Variants in NPLOC4 observed in about 807,000 individuals in gnomAD.
NPLOC4 encodes the protein NPL4 homolog, ubiquitin recognition factor, also known as nuclear protein localization protein 4 homolog.
A neutral mutation model predicts 80.6 loss-of-function variants in NPLOC4; 18 were observed. That is an observed-to-expected ratio of 0.22 (90% confidence interval 0.15 to 0.33). NPLOC4 has a LOEUF of 0.33. Among genes scored for constraint, NPLOC4 ranks in the 10% least tolerant of loss-of-function variants. The probability of loss-of-function intolerance (pLI) is 1.00; values close to 1 mark genes in which losing one functional copy is unlikely to be tolerated. For missense variants in NPLOC4, 540 were observed against 786.1 expected (o/e 0.69, Z 3.74); for synonymous variants, 313 against 301.5 (o/e 1.04, Z -0.39).
At chr17:81,587,630 T>TA (rs57639613) in intron 12 of NPLOC4, among the ~76,000 whole-genome samples, 3,155 of 102,124 alleles carry the variant, frequency 0.031, 124 homozygotes, top group African/African-American at 0.099. Flanking sequence ...CCTGTCTCTT[T>TA]AAAAAAAAAA....
intron 1 of NPLOC4, 23 bp from the exon 2 acceptor site, chr17:81,629,828 G>A (rs373374615): frequency 7.2e-5 from 112 of 1,557,426 alleles, no homozygotes; most frequent in Admixed American, 1.2e-4. Context: ...AAACATGATG[G>A]TTACTGCACA....
At chr17:81,631,583 C>G (rs2035932536) in intron 1 of NPLOC4, among the ~76,000 whole-genome samples, 1 of 151,812 alleles carries the variant, frequency 6.6e-6, no homozygotes, top group South Asian at 2.1e-4. Context: ...AGTTATCATG[C>G]CTGGCCAACA....
chr17:81,616,532 G>A lies in NPLOC4; in HGVS notation c.210-3038C>T, dbSNP rs537129612. Among the ~76,000 whole-genome samples the A allele has an allele frequency of 4.6e-5, 7 of 151,480 alleles. No homozygotes were observed. In the South Asian group the frequency reaches 6.3e-4, roughly 14 times the overall value. On this transcript the variant is annotated intron_variant, in intron 3 of 16. Transcript: ENST00000331134. ...GATCATGAGGTCAGGAGATTGAGAC[G>A]ATCCTGGCTAACACGGTGAAACCCC...
intron 2 of NPLOC4, among the ~76,000 whole-genome samples, chr17:81,625,634 G>A (rs532011851): frequency 6.6e-6 from 1 of 152,232 alleles, no homozygotes; most frequent in South Asian, 2.1e-4. Context: ...GGAAGGCTGA[G>A]GTGGAAGCAC....
At chr17:81,633,435 C>T (rs1197944047) in intron 1 of NPLOC4, among the ~76,000 whole-genome samples, 2 of 152,190 alleles carry the variant, frequency 1.3e-5, no homozygotes, top group Non-Finnish European at 2.9e-5. Context: ...AAGAAGTCAT[C>T]CTACTTGATC....
intron 3 of NPLOC4, among the ~76,000 whole-genome samples, chr17:81,619,201 TAAA>T (rs149822142): frequency 5.8e-5 from 8 of 138,258 alleles, no homozygotes; most frequent in Admixed American, 7.2e-5. Context: ...AATGATCAAT[TAAA>T]AAAAAAAAAA....
chr17:81,607,476 T>C (rs2035238014), intron 6 of NPLOC4, among the ~76,000 whole-genome samples: 1 of 152,144 alleles, frequency 6.6e-6, no homozygotes, highest in African/African-American at 2.4e-5. Flanking sequence ...ATTTACAGTG[T>C]ACGAAATGAT....
intron 8 of NPLOC4, among the ~76,000 whole-genome samples, chr17:81,604,248 C>G (rs910503291): frequency 5.3e-5 from 8 of 152,040 alleles, no homozygotes; most frequent in African/African-American, 1.9e-4. Flanking sequence ...GACTGAGCAC[C>G]TGGACACTAC....
chr17:81,574,624 A>G (rs114698572), intron 12 of NPLOC4, among the ~76,000 whole-genome samples: 2,708 of 152,094 alleles, frequency 0.018, 90 homozygotes, highest in African/African-American at 0.061. Context: ...TGGCCCCAAC[A>G]CCTCGCCACC....
At chr17:81,631,443 T>A (rs1336926748) in intron 1 of NPLOC4, among the ~76,000 whole-genome samples, 25,624 of 63,362 alleles carry the variant, frequency 0.4, 3,300 homozygotes, top group East Asian at 0.57. Flanking sequence ...TATATTTTTT[T>A]TTTTTTTTTT....
At chr17:81,615,379 C>T (rs975219389) in intron 3 of NPLOC4, among the ~76,000 whole-genome samples, 2 of 152,080 alleles carry the variant, frequency 1.3e-5, no homozygotes, top group African/African-American at 2.4e-5. Context: ...GGATTACAGT[C>T]GTGAGCCACC....
At chr17:81,597,784 A>C (rs1204086487) in intron 9 of NPLOC4, among the ~76,000 whole-genome samples, 2 of 77,452 alleles carry the variant, frequency 2.6e-5, no homozygotes, top group African/African-American at 1.2e-4. Flanking sequence ...ACTCCATCTC[A>C]AAAAAAAAAA....
chr17:81,573,775 G>C (rs1451623274), intron 12 of NPLOC4, among the ~76,000 whole-genome samples: 1 of 152,164 alleles, frequency 6.6e-6, no homozygotes, highest in East Asian at 1.9e-4. Flanking sequence ...AGGAGGGCAG[G>C]AGAATGAACC....
At chr17:81,591,806 A>C (rs2034753577) in intron 11 of NPLOC4, among the ~76,000 whole-genome samples, 2 of 152,228 alleles carry the variant, frequency 1.3e-5, no homozygotes, top group South Asian at 4.1e-4. Context: ...GGGCCTACAA[A>C]GAGGCAGTGA....
chr17:81,559,462 A>G, intron 16 of NPLOC4, 46 bp from the exon 17 acceptor site: 1 of 1,551,820 alleles, frequency 6.4e-7, no homozygotes. Flanking sequence ...CTGGCCCACC[A>G]GAGACTGCCA....
chr17:81,567,076 G>C lies in NPLOC4; in HGVS notation c.1566+341C>G, dbSNP rs879182601. Reference sequence around the variant, plus strand: ...TGTGACTCTGAAACTGTTAGAACAGGAATTTTTTAAACTGTCTAACTCTAA... The same window carrying C: ...TGTGACTCTGAAACTGTTAGAACAGCAATTTTTTAAACTGTCTAACTCTAA... On this transcript the variant is annotated intron_variant, in intron 15 of 16. Coordinates refer to ENST00000331134, the MANE Select transcript of NPLOC4 (RefSeq NM_017921.4). This position sits in a 1 kb window ranked among gnomAD's most constrained non-coding sequence, Gnocchi z 4.5. The C allele has an allele frequency of 4.2e-6, 1 of 238,504 alleles. No individual in the cohort carries two copies. The highest frequency in any genetic ancestry group is 5.1e-5 in the Admixed American group (1 of 19,494). The allele number at this position is 238,504 out of a possible 1,614,324, so 14.8% of individuals were successfully genotyped here. A position where few individuals can be genotyped will look rare whatever the true frequency, so the allele number is the denominator to read the frequency against.
intron 4 of NPLOC4, chr17:81,612,599 C>A (rs897577911): frequency 2.0e-5 from 3 of 152,234 alleles, no homozygotes; most frequent in Non-Finnish European, 2.9e-5. Flanking sequence ...CCCGTCACAT[C>A]TACAGAGTGA....
chr17:81,617,843 TG>T (rs1187469576), intron 3 of NPLOC4, among the ~76,000 whole-genome samples: 3 of 152,178 alleles, frequency 2.0e-5, no homozygotes, highest in Admixed American at 2.0e-4. Flanking sequence ...ATTTTTTTGG[TG>T]GAGATGGGGT....
At chr17:81,568,372 C>T (rs2034069977) in intron 14 of NPLOC4, among the ~76,000 whole-genome samples, 1 of 152,254 alleles carries the variant, frequency 6.6e-6, no homozygotes, top group Non-Finnish European at 1.5e-5. Context: ...CACCCCAAGT[C>T]CCCTGGGCGG....
Sources: allele counts gnomAD v4.1 joint callset (sites outside exome capture counted in the v4.1 genomes callset), GRCh38; gene constraint gnomAD v4.1.1; non-coding constraint Gnocchi (gnomAD v3.1); transcripts MANE v1.5; gene names NCBI Gene and HGNC (gene_info 2026-07-23, HGNC 2026-07-21).